Variants in NEBL observed in about 807,000 individuals in gnomAD.
The protein encoded by NEBL is nebulette.
A neutral mutation model predicts 140.2 loss-of-function variants in NEBL; 122 were observed. That is an observed-to-expected ratio of 0.87 (90% CI 0.75 to 1.01). The LOEUF is 1.01. NEBL is among the 50% of genes least tolerant of loss of function. The pLI, the probability that NEBL is intolerant of heterozygous loss-of-function variation, is 0.00. For missense variants in NEBL, 1,365 were observed against 1,231.3 expected, an observed-to-expected ratio of 1.11 and a Z score of -1.62; for synonymous variants, 436 against 398.9, an observed-to-expected ratio of 1.09 and a Z score of -1.11.
chr10:20,891,067 T>C (rs3791204), intron 2 of NEBL, among the ~76,000 whole-genome samples: 100,655 of 152,026 alleles, frequency 0.66, 33,616 homozygotes, highest in African/African-American at 0.72. Context: ...GTGAATAATA[T>C]TGATGTTATA....
In NEBL at chr10:20,781,790, A is replaced by G. The variant is rs1181302393; in HGVS notation, c.*3957T>C. 1 of 152,644 alleles carries G rather than the reference A, an allele frequency of 6.6e-6. No homozygotes were observed. The highest frequency in any genetic ancestry group is 1.5e-5 in the Non-Finnish European group (1 of 68,038). 9.5% of individuals were successfully genotyped at this position (152,644 alleles called of 1,614,324 possible). ...GAGGAAAGGGTCCAAAAGGCATGGA[A>G]TACTTCAGAGACTTTTATTTTAGCA... On this transcript the variant is annotated 3_prime_UTR_variant, in exon 28 of 28. Transcript: ENST00000377122.
chr10:21,278,794 T>A (rs1842955425), intron 1 of NEBL, among the ~76,000 whole-genome samples: 1 of 152,092 alleles, frequency 6.6e-6, no homozygotes. Flanking sequence ...GCCCCTGAGT[T>A]ACATAGCCAG....
At chr10:21,145,179 T>C (rs138616930) in intron 2 of NEBL, among the ~76,000 whole-genome samples, 270 of 152,360 alleles carry the variant, frequency 1.8e-3, no homozygotes, top group African/African-American at 5.9e-3. Context: ...TCTTACATTT[T>C]GTCTGGGACA....
chr10:20,852,842 C>G (rs1439971861), intron 9 of NEBL, among the ~76,000 whole-genome samples, 193 bp from the exon 10 acceptor site: 1 of 152,144 alleles, frequency 6.6e-6, no homozygotes, highest in Non-Finnish European at 1.5e-5. Flanking sequence ...CAGACCAGCT[C>G]TAGGTCAGCA....
intron 2 of NEBL, among the ~76,000 whole-genome samples, chr10:21,164,243 T>A (rs1471350907): frequency 6.6e-6 from 1 of 152,238 alleles, no homozygotes; most frequent in African/African-American, 2.4e-5. Context: ...TAACACTAAC[T>A]ATAAGAACTG....
At chr10:20,793,907 C>T (rs549358990) in intron 26 of NEBL, among the ~76,000 whole-genome samples, 9 of 152,280 alleles carry the variant, frequency 5.9e-5, no homozygotes, top group South Asian at 2.1e-4. Flanking sequence ...ACCGAACTGG[C>T]GGGCTTCATT....
At chr10:20,793,403 G>A (rs537432190) in intron 26 of NEBL, 1 of 952,958 alleles carries the variant, frequency 1.0e-6, no homozygotes, top group East Asian at 1.2e-4. Flanking sequence ...GGAGATTAAG[G>A]ACTGAGGACA....
Position 21,101,348 on chromosome 10 carries a change from C to A in NEBL, c.164+71035G>T, listed in dbSNP as rs183122505. ...ACTTCATGCCCAGATCACGTGCAGG[C>A]AATGTGGTCAAGTAACAGCTCTGGC... On this transcript the variant is annotated intron_variant, in intron 2 of 6. Transcript: ENST00000417816. Among the ~76,000 whole-genome samples the A allele has an allele frequency of 4.5e-4, 69 of 152,310 alleles. No individual in the cohort carries two copies. In the East Asian group the frequency reaches 0.013, roughly 28 times the overall value.
intron 2 of NEBL, among the ~76,000 whole-genome samples, chr10:21,128,277 A>C (rs1319559516): frequency 6.6e-6 from 1 of 152,200 alleles, no homozygotes; most frequent in Admixed American, 6.5e-5. Flanking sequence ...AAACAACAAA[A>C]ACAAATCAAC....
At chr10:20,905,254 G>C (rs974458846) in intron 4 of NEBL, among the ~76,000 whole-genome samples, 1 of 152,178 alleles carries the variant, frequency 6.6e-6, no homozygotes, top group Non-Finnish European at 1.5e-5. Context: ...CCCATAGCAA[G>C]AAGATTTAGC....
intron 2 of NEBL, among the ~76,000 whole-genome samples, chr10:21,063,403 T>C (rs1835388773): frequency 6.6e-6 from 1 of 152,204 alleles, no homozygotes; most frequent in African/African-American, 2.4e-5. Context: ...ACGAGATGCC[T>C]ACTATTTGAG....
At chr10:21,065,788 C>T (rs1218295953) in intron 2 of NEBL, among the ~76,000 whole-genome samples, 1 of 152,234 alleles carries the variant, frequency 6.6e-6, no homozygotes, top group Non-Finnish European at 1.5e-5. Flanking sequence ...GTGCATCACC[C>T]TCCCTGCAAC....
intron 1 of NEBL, among the ~76,000 whole-genome samples, chr10:21,257,130 A>G (rs1842667687): frequency 6.6e-6 from 1 of 152,220 alleles, no homozygotes; most frequent in Non-Finnish European, 1.5e-5. Flanking sequence ...AGTATTATCT[A>G]TTGAGTGTTT....
chr10:20,819,286 T>C (rs1000424058), intron 20 of NEBL, 138 bp downstream of exon 20: 4 of 1,376,202 alleles, frequency 2.9e-6, no homozygotes, highest in Non-Finnish European at 4.0e-6. Flanking sequence ...TCTCATCATT[T>C]AGCTCTCATT....
In NEBL at chr10:20,850,434, T is replaced by C. The variant is rs776764153; in HGVS notation, c.1077A>G (p.Ser359=). ...KPMLEFVETP[S]YQASKEAQKM... ...TTTGAGCCTCCTTTGAAGCTTGATA[T>C]GATGGTGTCTCAACAAATTCAAGCA... The change falls in exon 11 of 28, where the codon TCA becomes TCG. Residue 359 remains serine (S), a synonymous_variant. Transcript: ENST00000377122. 4.3e-6 allele frequency: 7 copies of C among 1,611,978 alleles called. No homozygotes were observed. In the African/African-American group the frequency reaches 8.0e-5, roughly 18 times the overall value.
chr10:21,238,637 G>T (rs916487753), intron 3 of NEBL, among the ~76,000 whole-genome samples: 11 of 151,256 alleles, frequency 7.3e-5, no homozygotes, highest in Non-Finnish European at 1.5e-4. Context: ...TTGAACCTGG[G>T]AGGCGGAGGT....
At chr10:20,951,598 T>G (rs981435941) in intron 4 of NEBL, among the ~76,000 whole-genome samples, 1 of 152,188 alleles carries the variant, frequency 6.6e-6, no homozygotes, top group Non-Finnish European at 1.5e-5. Flanking sequence ...TCCCTTGACT[T>G]ATGACCCTCC....
chr10:20,832,607 T>A (rs1840522038), intron 14 of NEBL, among the ~76,000 whole-genome samples: 1 of 150,492 alleles, frequency 6.6e-6, no homozygotes, highest in African/African-American at 2.4e-5. Context: ...AAGAAAAATG[T>A]TATTAAAAAA....
At position 20,812,201 on chromosome 10, in the gene NEBL, G is replaced by A. The variant is rs12411391; in HGVS notation, c.2518+568C>T. ...GCACATGAGGTCAACAGAACAACAC[G>A]TCAACCAAGCAGAAAAACAATTATT... On this transcript the variant is annotated intron_variant, in intron 24 of 27. Transcript: ENST00000377122. 5.5e-3 allele frequency among the ~76,000 whole-genome samples: 837 copies of A among 152,170 alleles called. 32 individuals carry two copies. Among genetic ancestry groups the A allele is most frequent in the Admixed American group, 0.05 (764 of 15,272 alleles).
Sources: allele counts gnomAD v4.1 joint callset (sites outside exome capture counted in the v4.1 genomes callset), GRCh38; gene constraint gnomAD v4.1.1; transcripts MANE v1.5; gene names NCBI Gene and HGNC (gene_info 2026-07-23, HGNC 2026-07-21).